The following LYPLAL1 variants were observed in gnomAD, a reference collection of about 807,000 sequenced individuals.
The protein encoded by LYPLAL1 is lysophospholipase like 1.
Under a neutral mutation model 19.7 loss-of-function variants are expected in LYPLAL1, and 23 were observed. The observed-to-expected ratio is 1.17, with a 90% CI of 0.84 to 1.65. LYPLAL1 has a LOEUF of 1.65. LYPLAL1 is among the 40% of genes most tolerant of loss of function. LYPLAL1 has a pLI of 0.00. For synonymous variants in LYPLAL1, 119 were observed against 96.3 expected, an observed-to-expected ratio of 1.24 and a Z score of -1.38; for missense variants, 355 against 279.4, an observed-to-expected ratio of 1.27 and a Z score of -1.93.
chr1:219,400,192 C>T, the LYPLAL1 span, among the ~76,000 whole-genome samples: 4 of 152,114 alleles, frequency 2.6e-5, no homozygotes, highest in African/African-American at 9.7e-5. Context: ...TGACCACTCT[C>T]AGTGCCTTCC....
At chr1:219,338,365 G>C in the LYPLAL1 span, among the ~76,000 whole-genome samples, 1 of 151,958 alleles carries the variant, frequency 6.6e-6, no homozygotes, top group Non-Finnish European at 1.5e-5. Context: ...TTGTGACCCT[G>C]CATGAAACCA....
chr1:219,391,968 A>C, the LYPLAL1 span, among the ~76,000 whole-genome samples: 1 of 152,084 alleles, frequency 6.6e-6, no homozygotes, highest in Non-Finnish European at 1.5e-5. Context: ...TACCTCCTTC[A>C]TTTGGTGGTC....
chr1:219,408,088 G>A, the LYPLAL1 span, among the ~76,000 whole-genome samples: 43,129 of 151,970 alleles, frequency 0.28, 6,507 homozygotes, highest in East Asian at 0.53. Context: ...CAACATGTCA[G>A]GTGTTTACAT....
At chr1:219,257,318 A>G in the LYPLAL1 span, among the ~76,000 whole-genome samples, 1 of 150,024 alleles carries the variant, frequency 6.7e-6, no homozygotes, top group South Asian at 2.1e-4. Flanking sequence ...ATTGCTATAA[A>G]ATCTACTTTG....
At chr1:219,400,072 A>C in the LYPLAL1 span, among the ~76,000 whole-genome samples, 2 of 152,000 alleles carry the variant, frequency 1.3e-5, no homozygotes, top group Non-Finnish European at 2.9e-5. Context: ...AGTTCCACTC[A>C]CCTATTTCCC....
chr1:219,243,219 A>G, the LYPLAL1 span, among the ~76,000 whole-genome samples: 2 of 152,200 alleles, frequency 1.3e-5, no homozygotes, highest in African/African-American at 4.8e-5. Context: ...TTGTTTATAC[A>G]TAATTTTTAA....
At position 219,212,814 on chromosome 1, in the gene LYPLAL1, C is replaced by T. The variant is rs1321075165; in HGVS notation, c.*1086C>T. ...ACATTCACCACTGATATATAAGTTG[C>T]TTCCAGTGTGAGGCTGTTTTAAATA... On this transcript the variant is annotated 3_prime_UTR_variant, in exon 5 of 5. Transcript: ENST00000366928. 2 of 152,004 alleles carry T rather than the reference C, an allele frequency of 1.3e-5. No individual in the cohort carries two copies. Among genetic ancestry groups the T allele is most frequent in the Non-Finnish European group, 2.9e-5 (2 of 67,924 alleles). 9.4% of individuals were successfully genotyped at this position (152,004 alleles called of 1,614,324 possible).
the LYPLAL1 span, among the ~76,000 whole-genome samples, chr1:219,241,593 C>T: frequency 6.6e-6 from 1 of 152,084 alleles, no homozygotes; most frequent in Non-Finnish European, 1.5e-5. Flanking sequence ...GCCACATTGA[C>T]CCAGTACAAT....
intron 3 of LYPLAL1, among the ~76,000 whole-genome samples, chr1:219,206,698 G>A (rs145237022): frequency 4.0e-5 from 6 of 150,564 alleles, no homozygotes; most frequent in Admixed American, 2.0e-4. Context: ...GACATTTTAT[G>A]TGCGGGTAAA....
downstream of LYPLAL1, among the ~76,000 whole-genome samples, chr1:219,213,339 G>A (rs1659171495): frequency 6.6e-6 from 1 of 151,244 alleles, no homozygotes; most frequent in Admixed American, 6.6e-5. Context: ...TATAAGTCTT[G>A]AAATCAGGTA....
chr1:219,329,045 G>A, the LYPLAL1 span, among the ~76,000 whole-genome samples: 10 of 151,746 alleles, frequency 6.6e-5, no homozygotes, highest in African/African-American at 2.4e-4. Context: ...ATTTATTAAT[G>A]TAAATATTCT....
the LYPLAL1 span, among the ~76,000 whole-genome samples, chr1:219,287,396 C>G: frequency 6.6e-6 from 1 of 152,172 alleles, no homozygotes; most frequent in South Asian, 2.1e-4. Context: ...TTTTCCTCAC[C>G]AAAAAAGATA....
chr1:219,304,324 G>A, the LYPLAL1 span, among the ~76,000 whole-genome samples: 1 of 152,196 alleles, frequency 6.6e-6, no homozygotes, highest in Non-Finnish European at 1.5e-5. Flanking sequence ...TATCCAAGAT[G>A]CTCAGTTTAA....
chr1:219,443,675 CAA>C, the LYPLAL1 span, among the ~76,000 whole-genome samples: 2 of 146,096 alleles, frequency 1.4e-5, no homozygotes, highest in African/African-American at 2.5e-5. Context: ...ATTTTGGTCA[CAA>C]AAAAAAAAAT....
chr1:219,280,100 A>T, the LYPLAL1 span, among the ~76,000 whole-genome samples: 1 of 152,162 alleles, frequency 6.6e-6, no homozygotes, highest in South Asian at 2.1e-4. Flanking sequence ...AGTCTCTGAA[A>T]ATTTTTTAGA....
At chr1:219,407,529 G>T in the LYPLAL1 span, among the ~76,000 whole-genome samples, 2 of 152,172 alleles carry the variant, frequency 1.3e-5, no homozygotes, top group Non-Finnish European at 2.9e-5. Context: ...ATGAGCTTGT[G>T]AGCATCAATG....
the LYPLAL1 span, among the ~76,000 whole-genome samples, chr1:219,436,243 T>C: frequency 1.3e-5 from 2 of 152,250 alleles, no homozygotes; most frequent in South Asian, 4.1e-4. Flanking sequence ...TCTGGGGTTC[T>C]AGCCTCCTAG....
At chr1:219,443,550 A>G in the LYPLAL1 span, among the ~76,000 whole-genome samples, 1 of 152,240 alleles carries the variant, frequency 6.6e-6, no homozygotes, top group Admixed American at 6.5e-5. Context: ...GTAAGTCCTT[A>G]CTTATCTTGG....
the LYPLAL1 span, among the ~76,000 whole-genome samples, chr1:219,243,730 G>A: frequency 6.6e-6 from 1 of 151,928 alleles, no homozygotes; most frequent in Non-Finnish European, 1.5e-5. Context: ...GACCAGCCTG[G>A]CCAACATGAA....
Sources: gnomAD v4.1 joint callset for allele counts (sites outside exome capture counted in the v4.1 genomes callset) on GRCh38, gnomAD v4.1.1 for gene constraint, MANE v1.5 for transcripts, NCBI Gene and HGNC (gene_info 2026-07-23, HGNC 2026-07-21) for gene names.